Variants in ATP13A4 observed in about 807,000 individuals in gnomAD.
ATP13A4 encodes ATPase 13A4, also known as probable cation-transporting ATPase 13A4.
ATP13A4 carries 114 observed loss-of-function variants against 142.5 expected under a neutral mutation model. That is an observed-to-expected ratio of 0.80 (90% confidence interval 0.69 to 0.93). ATP13A4 has a LOEUF of 0.93. Among genes scored for constraint, ATP13A4 ranks in the 40% least tolerant of loss-of-function variants. ATP13A4 has a pLI of 0.00. For synonymous variants in ATP13A4, 488 were observed against 514.8 expected (o/e 0.95, Z 0.70); for missense variants, 1,392 against 1,454.0 (o/e 0.96, Z 0.69).
rs1043467687 is a variant in ATP13A4 at position 193,541,010 on chromosome 3, G to A, written c.60+13730C>T. Among the ~76,000 whole-genome samples, 5 of 152,158 alleles carry A rather than the reference G, an allele frequency of 3.3e-5. 1 individual carries two copies. The highest frequency in any genetic ancestry group is 3.3e-4 in the Admixed American group (5 of 15,284). On this transcript the variant is annotated intron_variant, in intron 1 of 29. Transcript: ENST00000342695. ...CACGCCTGTAATCCCAGCACTTTGGGAGGCCGAGGCGGGCAAATCGCGAGG... is the reference window on the plus strand; with the variant it reads ...CACGCCTGTAATCCCAGCACTTTGGAAGGCCGAGGCGGGCAAATCGCGAGG...
chr3:193,530,536 C>T (rs1722259073), intron 1 of ATP13A4, among the ~76,000 whole-genome samples: 1 of 152,204 alleles, frequency 6.6e-6, no homozygotes, highest in Non-Finnish European at 1.5e-5. Context: ...AGATATTTCT[C>T]AAATTAGTTT....
intron 12 of ATP13A4, among the ~76,000 whole-genome samples, chr3:193,464,274 C>T (rs1225803873): frequency 1.3e-5 from 2 of 152,194 alleles, no homozygotes; most frequent in Non-Finnish European, 2.9e-5. Flanking sequence ...GCCTCCAGGC[C>T]TCTACCCATG....
chr3:193,502,018 T>A (rs1484142645), intron 3 of ATP13A4, among the ~76,000 whole-genome samples: 1 of 152,120 alleles, frequency 6.6e-6, no homozygotes, highest in Non-Finnish European at 1.5e-5. Context: ...TCCCAGCTAC[T>A]AGGGAGGCTG....
chr3:193,536,358 A>G (rs1395719827), intron 1 of ATP13A4, among the ~76,000 whole-genome samples: 5 of 152,078 alleles, frequency 3.3e-5, no homozygotes, highest in Admixed American at 6.5e-5. Context: ...ATTAATCATC[A>G]TTGATTTAGC....
At chr3:193,536,225 C>A (rs925319054) in intron 1 of ATP13A4, among the ~76,000 whole-genome samples, 6 of 151,964 alleles carry the variant, frequency 3.9e-5, no homozygotes, top group African/African-American at 1.4e-4. Flanking sequence ...AATAGAGAAG[C>A]AAATTTCCTT....
At chr3:193,462,236 AAAG>A (rs1343363663) in intron 13 of ATP13A4, among the ~76,000 whole-genome samples, 3 of 151,882 alleles carry the variant, frequency 2.0e-5, no homozygotes, top group Non-Finnish European at 4.4e-5. Flanking sequence ...AAAAAAAAAA[AAAG>A]AAAAAAGAGA....
At chr3:193,573,249 A>C (rs962516752) in intron 2 of ATP13A4, among the ~76,000 whole-genome samples, 1 of 145,534 alleles carries the variant, frequency 6.9e-6, no homozygotes, top group African/African-American at 2.6e-5. Context: ...AACTTTAACG[A>C]ATACCACAGC....
chr3:193,464,813 A>G (rs1718166691), intron 12 of ATP13A4, 127 bp downstream of exon 12: 1 of 1,015,700 alleles, frequency 9.8e-7, no homozygotes. Context: ...CATGCATCTA[A>G]CCAGGGATAA....
intron 1 of ATP13A4, among the ~76,000 whole-genome samples, chr3:193,540,154 G>T (rs1395957341): frequency 6.6e-6 from 1 of 152,092 alleles, no homozygotes; most frequent in African/African-American, 2.4e-5. Context: ...GAAGGTACAT[G>T]GGAAATTTCT....
rs573366083 is a variant in ATP13A4 at position 193,467,226 on chromosome 3, A to G, written c.1114+90T>C. Reference sequence around the variant, plus strand: ...AAAAAAATATGATTATAAAGAAAAAACAGCTTCTCTTTACCTAATAAATTT... The same window carrying G: ...AAAAAAATATGATTATAAAGAAAAAGCAGCTTCTCTTTACCTAATAAATTT... On this transcript the variant is annotated intron_variant, in intron 10 of 29. Coordinates refer to ENST00000342695, the MANE Select transcript of ATP13A4 (RefSeq NM_032279.4). The G allele has an allele frequency of 5.3e-6, 7 of 1,318,128 alleles. No homozygotes were observed. The Admixed American group carries it at 1.1e-4, about 21-fold the overall frequency. 81.7% of individuals were successfully genotyped at this position (1,318,128 alleles called of 1,614,324 possible).
chr3:193,516,816 A>G (rs1721442453), intron 1 of ATP13A4, among the ~76,000 whole-genome samples: 1 of 152,194 alleles, frequency 6.6e-6, no homozygotes. Flanking sequence ...GGCTCTCTAC[A>G]GTTTCCAAAG....
chr3:193,445,958 A>C (rs1716926276), intron 18 of ATP13A4, among the ~76,000 whole-genome samples: 1 of 59,654 alleles, frequency 1.7e-5, no homozygotes, highest in African/African-American at 6.9e-5. Flanking sequence ...TGGTCTGAAC[A>C]AACTGGGTGC....
intron 3 of ATP13A4, among the ~76,000 whole-genome samples, chr3:193,498,200 T>C (rs1281587879): frequency 1.3e-5 from 2 of 152,168 alleles, no homozygotes; most frequent in East Asian, 1.9e-4. Context: ...GTACAATTAT[T>C]ATTTGTCAAT....
chr3:193,402,632 A>G lies in ATP13A4; in HGVS notation c.*20T>C, dbSNP rs1295944673. On this transcript the variant is annotated 3_prime_UTR_variant, in exon 30 of 30. Coordinates refer to ENST00000342695, the MANE Select transcript of ATP13A4 (RefSeq NM_032279.4). ...TTGTCATTGTTTCTCTGTAATATCAACTTGGATATCACATGTCCTTCAGAG... is the reference window on the plus strand; with the variant it reads ...TTGTCATTGTTTCTCTGTAATATCAGCTTGGATATCACATGTCCTTCAGAG... The G allele has an allele frequency of 1.2e-6, 1 of 823,682 alleles. No homozygotes were observed. Among genetic ancestry groups the G allele is most frequent in the Non-Finnish European group, 2.2e-6 (1 of 457,444 alleles). The allele number at this position is 823,682 out of a possible 1,614,324, so 51.0% of individuals were successfully genotyped here. A position where few individuals can be genotyped will look rare whatever the true frequency, so the allele number is the denominator to read the frequency against.
At chr3:193,567,494 C>T (rs1158230750) in intron 2 of ATP13A4, among the ~76,000 whole-genome samples, 1 of 152,194 alleles carries the variant, frequency 6.6e-6, no homozygotes, top group Non-Finnish European at 1.5e-5. Flanking sequence ...AAGAGCATCA[C>T]AATCTCTCCG....
Position 193,502,524 on chromosome 3 carries a change from A to C in ATP13A4, c.350T>G (p.Ile117Arg), listed in dbSNP as rs1720608361. ...GTCTGGCTTTCTTATGGCTCTATTT[A>C]TGATATACTCCTCATCTGTCATGAG... ...HPLMTDEEYI[I>R]NRAIRKPDLK... Residue 117 changes from isoleucine to arginine, a missense_variant, in exon 3 of 30, where the codon ATA becomes AGA. Transcript: ENST00000342695. 6.2e-7 allele frequency: 1 copy of C among 1,613,944 alleles called. No homozygotes were observed. The highest frequency in any genetic ancestry group is 8.5e-7 in the Non-Finnish European group (1 of 1,179,964).
In ATP13A4 at chr3:193,486,873, G is replaced by A. The variant is rs144620537; in HGVS notation, c.738+2857C>T. Among the ~76,000 whole-genome samples, 195 of 152,126 alleles carry A rather than the reference G, an allele frequency of 1.3e-3. 1 individual carries two copies. Among genetic ancestry groups the A allele is most frequent in the African/African-American group, 3.7e-3 (154 of 41,500 alleles). On this transcript the variant is annotated intron_variant, in intron 7 of 29. Transcript: ENST00000342695. ...TAGTAATTTTTTAAATAGCAAGTTAGAAAATAATGTAATTATGCTACCACT... is the reference window on the plus strand; with the variant it reads ...TAGTAATTTTTTAAATAGCAAGTTAAAAAATAATGTAATTATGCTACCACT...
intron 1 of ATP13A4, among the ~76,000 whole-genome samples, chr3:193,518,378 C>A (rs1721542171): frequency 6.6e-6 from 1 of 152,116 alleles, no homozygotes. Flanking sequence ...GCATCATAAC[C>A]TTTTTATAAA....
In ATP13A4 at chr3:193,423,662, T is replaced by G. The variant is rs577845565; in HGVS notation, c.2843-8912A>C. Among the ~76,000 whole-genome samples, 7 of 149,740 alleles carry G rather than the reference T, an allele frequency of 4.7e-5. No homozygotes were observed. The South Asian group carries it at 1.5e-3, about 31-fold the overall frequency. On this transcript the variant is annotated intron_variant, in intron 25 of 29. Transcript: ENST00000342695. ...CTAAAAACTCTGAACAAATTAAGCATAGAAGAAATGCACCTCAATGCAATA... is the reference window on the plus strand; with the variant it reads ...CTAAAAACTCTGAACAAATTAAGCAGAGAAGAAATGCACCTCAATGCAATA...
Sources: allele counts gnomAD v4.1 joint callset (sites outside exome capture counted in the v4.1 genomes callset), GRCh38; gene constraint gnomAD v4.1.1; transcripts MANE v1.5; gene names NCBI Gene and HGNC (gene_info 2026-07-23, HGNC 2026-07-21).